Variants in ALAD observed in about 807,000 individuals in gnomAD.
The protein encoded by ALAD is aminolevulinate dehydratase.
Under a neutral mutation model 44.4 loss-of-function variants are expected in ALAD, and 20 were observed. The observed-to-expected ratio is 0.45, with a 90% confidence interval of 0.32 to 0.65. The LOEUF (loss-of-function observed/expected upper bound fraction) is 0.65, where lower values mean the gene tolerates loss of function less well. Among genes scored for constraint, ALAD ranks in the 30% least tolerant of loss-of-function variants. The pLI, the probability that ALAD is intolerant of heterozygous loss-of-function variation, is 0.05. For missense variants in ALAD, 323 were observed against 445.7 expected (o/e 0.72, Z 2.48); for synonymous variants, 156 against 167.9 (o/e 0.93, Z 0.55).
chr9:113,390,001 A>G (rs1433023485), intron 7 of ALAD, among the ~76,000 whole-genome samples, 173 bp from the exon 8 acceptor site: 1 of 151,978 alleles, frequency 6.6e-6, no homozygotes, highest in African/African-American at 2.4e-5. Context: ...ATGGTTCCCC[A>G]AAGCCTCATC....
chr9:113,391,467 G>A, intron 4 of ALAD, 60 bp downstream of exon 4: 1 of 1,509,938 alleles, frequency 6.6e-7, no homozygotes, highest in Non-Finnish European at 9.2e-7. Flanking sequence ...GCCTCCCAAA[G>A]TGCTGGGATT....
chr9:113,397,914 C>T (rs904176539), intron 1 of ALAD, among the ~76,000 whole-genome samples: 12 of 152,172 alleles, frequency 7.9e-5, no homozygotes, highest in Middle Eastern at 3.4e-3. Flanking sequence ...CGTGAGCCAC[C>T]GCACCTGGCC....
rs1827469114 is a variant in ALAD at position 113,388,438 on chromosome 9, C to A, written c.932-77G>T. The A allele has an allele frequency of 7.2e-6, 10 of 1,394,068 alleles. No homozygotes were observed. The South Asian group carries it at 8.1e-5, about 11-fold the overall frequency. 86.4% of individuals were successfully genotyped at this position (1,394,068 alleles called of 1,614,324 possible). On this transcript the variant is annotated intron_variant, in intron 11 of 11. Transcript: ENST00000409155. ...AGCACACCTTCTGCGATGGGAAGGCCAGGCGGGGAAGAAGGCTACCATGAA... is the reference window on the plus strand; with the variant it reads ...AGCACACCTTCTGCGATGGGAAGGCAAGGCGGGGAAGAAGGCTACCATGAA...
chr9:113,400,258 C>T lies in ALAD; in HGVS notation c.-76+954G>A, dbSNP rs554560175. The stretch of plus-strand genomic sequence containing the variant: ...GGCAGATCTGGGGGAAGGTCTCCAG[C>T]AGCCCAGTCCTCAGTGCCCACCATG... On this transcript the variant is annotated intron_variant, in intron 1 of 11. Coordinates refer to ENST00000409155, the MANE Select transcript of ALAD (RefSeq NM_000031.6). Among the ~76,000 whole-genome samples the T allele has an allele frequency of 2.9e-4, 44 of 152,322 alleles. 1 individual carries two copies. Among genetic ancestry groups the T allele is most frequent in the Admixed American group, 2.6e-3 (40 of 15,300 alleles).
rs1827505746 is a variant in ALAD at position 113,389,435 on chromosome 9, C to T, written c.801+3G>A. 6.2e-7 allele frequency: 1 copy of T among 1,613,192 alleles called. No homozygotes were observed. The highest frequency in any genetic ancestry group is 2.2e-5 in the East Asian group (1 of 44,890). On this transcript the variant is annotated splice_donor_region_variant and intron_variant, in intron 10 of 11. Coordinates refer to ENST00000409155, the MANE Select transcript of ALAD (RefSeq NM_000031.6). ...GCCCCCTTTGCCTCGTACCTGTGCTCACCTTGTCCTTTACCTCCCGCACGA... is the reference window on the plus strand; with the variant it reads ...GCCCCCTTTGCCTCGTACCTGTGCTTACCTTGTCCTTTACCTCCCGCACGA...
chr9:113,390,220 C>T lies in ALAD; in HGVS notation c.570+185G>A, dbSNP rs1827530041. Among the ~76,000 whole-genome samples, 2 of 152,166 alleles carry T rather than the reference C, an allele frequency of 1.3e-5. 1 individual carries two copies. Among genetic ancestry groups the T allele is most frequent in the South Asian group, 4.1e-4 (2 of 4,838 alleles). On this transcript the variant is annotated intron_variant, in intron 7 of 11. Coordinates refer to ENST00000409155, the MANE Select transcript of ALAD (RefSeq NM_000031.6). ...TGTTTTTAGTAGAGATGGGGTTTCA[C>T]CATGTTGGCCAGGCTGGTCTTGAAC...
chr9:113,388,072 A>C lies in ALAD; in HGVS notation c.*228T>G. ...GTGGCAAAGGTGGGCCTCACGGCTG[A>C]CCCAGGGGAGGGGCGGGGAAGCTTG... On this transcript the variant is annotated 3_prime_UTR_variant, in exon 12 of 12. Coordinates refer to ENST00000409155, the MANE Select transcript of ALAD (RefSeq NM_000031.6). The C allele has an allele frequency of 1.7e-6, 1 of 595,978 alleles. No individual in the cohort carries two copies. The highest frequency in any genetic ancestry group is 1.8e-5 in the African/African-American group (1 of 54,586). The allele number at this position is 595,978 out of a possible 1,614,324, so 36.9% of individuals were successfully genotyped here. A position where few individuals can be genotyped will look rare whatever the true frequency, so the allele number is the denominator to read the frequency against.
intron 10 of ALAD, 143 bp downstream of exon 10, chr9:113,389,292 TAGA>T: frequency 7.6e-7 from 1 of 1,309,328 alleles, no homozygotes; most frequent in Middle Eastern, 2.5e-4. Context: ...AGCCCCGACA[TAGA>T]AGGCCACGAT....
chr9:113,397,515 T>G (rs578148765), intron 1 of ALAD: 3 of 152,184 alleles, frequency 2.0e-5, no homozygotes, highest in East Asian at 1.9e-4. Flanking sequence ...TCCCCAGTCA[T>G]GTCTCAACCT....
At chr9:113,388,894 T>C (rs1457059819) in intron 11 of ALAD, 83 bp downstream of exon 11, 3 of 1,602,480 alleles carry the variant, frequency 1.9e-6, no homozygotes, top group Non-Finnish European at 1.7e-6. Flanking sequence ...TCCCAAGCTC[T>C]CAGGACGTCG....
chr9:113,400,909 C>G (rs1425070061), intron 1 of ALAD, among the ~76,000 whole-genome samples: 1 of 151,698 alleles, frequency 6.6e-6, no homozygotes, highest in African/African-American at 2.4e-5. Flanking sequence ...CACCTCCCTA[C>G]CCCCCCACCA....
chr9:113,397,601 A>G (rs528473790), intron 1 of ALAD, among the ~76,000 whole-genome samples: 1 of 148,966 alleles, frequency 6.7e-6, no homozygotes, highest in Non-Finnish European at 1.5e-5. Flanking sequence ...CATGTCTGCC[A>G]GGAGTTTTTT....
Position 113,386,623 on chromosome 9 carries a change from G to A in ALAD, c.*1677C>T, listed in dbSNP as rs1371592711. On this transcript the variant is annotated 3_prime_UTR_variant, in exon 12 of 12. Coordinates refer to ENST00000409155, the MANE Select transcript of ALAD (RefSeq NM_000031.6). ...TAATTTTGCTGTTGATTATTGGGAG[G>A]TGGTATGGCACAGTGGTTAGGGGCA... The A allele has an allele frequency of 1.3e-5, 2 of 152,168 alleles. No homozygotes were observed. The highest frequency in any genetic ancestry group is 2.4e-5 in the African/African-American group (1 of 41,440). The allele number at this position is 152,168 out of a possible 1,614,324, so 9.4% of individuals were successfully genotyped here.
intron 7 of ALAD, 62 bp downstream of exon 7, chr9:113,390,343 A>C: frequency 6.5e-7 from 1 of 1,545,596 alleles, no homozygotes; most frequent in Non-Finnish European, 8.9e-7. Context: ...CTTAGCAGAC[A>C]CGGGGGCAGG....
At chr9:113,399,785 G>C (rs574615456) in intron 1 of ALAD, among the ~76,000 whole-genome samples, 23 of 152,212 alleles carry the variant, frequency 1.5e-4, no homozygotes, top group Admixed American at 6.5e-5. Context: ...TTCGCACAGA[G>C]GCTTAGGACC....
Position 113,389,515 on chromosome 9 carries a change from C to T in ALAD, c.724G>A (p.Val242Ile), listed in dbSNP as rs200180791. The T allele has an allele frequency of 1.8e-4, 286 of 1,614,062 alleles. No homozygotes were observed. The highest frequency in any genetic ancestry group is 8.2e-4 in the Middle Eastern group (5 of 6,078). The change falls in exon 10 of 12, where the codon GTA becomes ATA. Residue 242 changes from valine to isoleucine, a missense_variant. Physicochemically the swap from Val to Ile is conservative, Grantham distance 29. Transcript: ENST00000409155. The stretch of plus-strand genomic sequence containing the variant: ...ATGAGCATGTCAGCTCCTTCCCGTA[C>T]ATCCCGGTCCTAAGGGATGAGGGTA... ...GLALRAVDRD[V>I]REGADMLMVK...
Position 113,387,933 on chromosome 9 carries a change from T to TG in ALAD, c.*366dup. On this transcript the variant is annotated 3_prime_UTR_variant, in exon 12 of 12. Coordinates refer to ENST00000409155, the MANE Select transcript of ALAD (RefSeq NM_000031.6). ...GGCTTCTCAGGCCCCAAGATCCCAC[T>TG]GCTCTCTTCTTCCCCTAATGCTCCA... 1 of 342,230 alleles carries TG rather than the reference T, an allele frequency of 2.9e-6. No homozygotes were observed. Among genetic ancestry groups the TG allele is most frequent in the Non-Finnish European group, 5.7e-6 (1 of 174,862 alleles). The allele number at this position is 342,230 out of a possible 1,614,324, so 21.2% of individuals were successfully genotyped here.
chr9:113,389,486 C>T lies in ALAD; in HGVS notation c.753G>A (p.Val251=). The T allele has an allele frequency of 6.2e-7, 1 of 1,614,144 alleles. No individual in the cohort carries two copies. Among genetic ancestry groups the T allele is most frequent in the Non-Finnish European group, 8.5e-7 (1 of 1,180,046 alleles). ...DVREGADMLM[V]KPGMPYLDIV... Reference sequence around the variant, plus strand: ...TGTCCAGGTAGGGCATTCCCGGCTTCACCATGAGCATGTCAGCTCCTTCCC... The same window carrying T: ...TGTCCAGGTAGGGCATTCCCGGCTTTACCATGAGCATGTCAGCTCCTTCCC... The change falls in exon 10 of 12, where the codon GTG becomes GTA. Residue 251 remains valine, a synonymous_variant. Coordinates refer to ENST00000409155, the MANE Select transcript of ALAD (RefSeq NM_000031.6).
intron 1 of ALAD, among the ~76,000 whole-genome samples, chr9:113,400,358 C>G (rs1280252394): frequency 6.6e-6 from 1 of 152,096 alleles, no homozygotes; most frequent in African/African-American, 2.4e-5. Flanking sequence ...TTTGGGTGAG[C>G]CAGACTCTGG....
Sources: gnomAD v4.1 joint callset for allele counts (sites outside exome capture counted in the v4.1 genomes callset) on GRCh38, gnomAD v4.1.1 for gene constraint, MANE v1.5 for transcripts, NCBI Gene and HGNC (gene_info 2026-07-23, HGNC 2026-07-21) for gene names.